Variants in NME8 observed in about 807,000 individuals in gnomAD.
The protein encoded by NME8 is protein NME8.
A neutral mutation model predicts 82.3 loss-of-function variants in NME8; 72 were observed. The ratio of observed to expected loss-of-function variants is 0.87; its 90% confidence interval spans 0.72 to 1.06. The LOEUF (loss-of-function observed/expected upper bound fraction) is 1.06. Ranked by LOEUF, NME8 falls within the 50% of genes least tolerant of loss-of-function variation. The pLI, the probability that NME8 is intolerant of heterozygous loss-of-function variation, is 0.00. For synonymous variants in NME8, 267 were observed against 228.5 expected (o/e 1.17, Z -1.52); for missense variants, 712 against 685.4 (o/e 1.04, Z -0.43).
At position 37,863,427 on chromosome 7, in the gene NME8, C is replaced by G; in HGVS notation, c.419C>G (p.Ser140Ter). The change falls in exon 8 of 18, where the codon TCA becomes TGA. Residue 140 changes from serine to a stop codon, truncating the protein, a stop_gained. Transcript: ENST00000199447. LOFTEE classifies it high-confidence loss of function. ...YPEIPLVDSD[S>*]EVSEESPCES... Reference sequence around the variant, plus strand: ...GAAATTCCATTAGTAGACTCAGATTCAGAAGTTAGTGAAGAATCACCATGT... The same window carrying G: ...GAAATTCCATTAGTAGACTCAGATTGAGAAGTTAGTGAAGAATCACCATGT... The G allele has an allele frequency of 1.3e-6, 2 of 1,598,780 alleles. No homozygotes were observed. The highest frequency in any genetic ancestry group is 1.7e-6 in the Non-Finnish European group (2 of 1,166,090).
intron 15 of NME8, among the ~76,000 whole-genome samples, chr7:37,893,464 T>A (rs902925010): frequency 5.9e-5 from 9 of 152,160 alleles, no homozygotes; most frequent in African/African-American, 2.2e-4. Flanking sequence ...TTCTTCTACT[T>A]ACTTGGCCAA....
chr7:37,892,353 G>T (rs1785142142), intron 15 of NME8, among the ~76,000 whole-genome samples: 5 of 149,546 alleles, frequency 3.3e-5, no homozygotes, highest in Admixed American at 6.7e-5. Flanking sequence ...TTTTTCTTAG[G>T]GATTTCACCA....
intron 16 of NME8, among the ~76,000 whole-genome samples, 168 bp downstream of exon 16, chr7:37,894,778 C>T (rs1785194641): frequency 6.6e-6 from 1 of 151,936 alleles, no homozygotes; most frequent in African/African-American, 2.4e-5. Context: ...TACCTCCCTC[C>T]CTATCTTCTT....
At chr7:37,890,091 C>T (rs1326087055) in intron 15 of NME8, among the ~76,000 whole-genome samples, 1 of 151,956 alleles carries the variant, frequency 6.6e-6, no homozygotes, top group East Asian at 1.9e-4. Context: ...GTATTGTTTG[C>T]TATCAGGACC....
chr7:37,863,853 T>C (rs541988764), intron 8 of NME8, among the ~76,000 whole-genome samples: 66 of 152,294 alleles, frequency 4.3e-4, no homozygotes, highest in African/African-American at 1.4e-3. Context: ...ATTATCTGCA[T>C]TGGGGTAGTG....
chr7:37,881,738 A>G (rs1784949704), intron 12 of NME8, among the ~76,000 whole-genome samples: 1 of 152,176 alleles, frequency 6.6e-6, no homozygotes, highest in South Asian at 2.1e-4. Context: ...GGTGTCATTT[A>G]TTCCTTAAAC....
At chr7:37,890,519 A>G (rs1785113702) in intron 15 of NME8, among the ~76,000 whole-genome samples, 1 of 151,854 alleles carries the variant, frequency 6.6e-6, no homozygotes, top group Non-Finnish European at 1.5e-5. Context: ...TTACCCTACT[A>G]TGCATTAGAA....
chr7:37,883,750 T>C (rs1313874016), intron 12 of NME8, among the ~76,000 whole-genome samples: 1 of 152,170 alleles, frequency 6.6e-6, no homozygotes, highest in African/African-American at 2.4e-5. Flanking sequence ...ACTGCCACAC[T>C]TTCTGTAAGG....
At chr7:37,882,575 GAAAGAAAGAAAGAAAGAAAGAA>G (rs752468810) in intron 12 of NME8, among the ~76,000 whole-genome samples, 93 of 42,894 alleles carry the variant, frequency 2.2e-3, no homozygotes, top group South Asian at 3.2e-3. Context: ...AAGAAAGAAA[GAAAGAAAGAAAGAAAGAAAGAA>G]AGAGAGAGAG....
rs1784626328 is a variant in NME8 at position 37,863,335 on chromosome 7, C to T, written c.388-61C>T. 10 of 980,784 alleles carry T rather than the reference C, an allele frequency of 1.0e-5. No homozygotes were observed. In the Admixed American group the frequency reaches 1.2e-4, roughly 12 times the overall value. The allele number at this position is 980,784 out of a possible 1,614,324, so 60.8% of individuals were successfully genotyped here. A position where few individuals can be genotyped will look rare whatever the true frequency, so the allele number is the denominator to read the frequency against. On this transcript the variant is annotated intron_variant, in intron 7 of 17. Coordinates refer to ENST00000199447, the MANE Select transcript of NME8 (RefSeq NM_016616.5). ...TACTAGATACAAAATTTCTAAAAAC[C>T]CACTCACTATCATATTAAAACATAA...
chr7:37,867,003 T>C (rs1784693019), intron 10 of NME8, among the ~76,000 whole-genome samples: 1 of 152,198 alleles, frequency 6.6e-6, no homozygotes, highest in Non-Finnish European at 1.5e-5. Flanking sequence ...ATACACGATT[T>C]ACATGTGAGA....
At chr7:37,876,757 A>G in intron 11 of NME8, 75 bp from the exon 12 acceptor site, 1 of 1,073,848 alleles carries the variant, frequency 9.3e-7, no homozygotes, top group Middle Eastern at 2.7e-4. Context: ...TTCTGAACAT[A>G]TCAGATTTAA....
intron 6 of NME8, among the ~76,000 whole-genome samples, 194 bp from the exon 7 acceptor site, chr7:37,861,834 G>C (rs1784601312): frequency 6.6e-6 from 1 of 152,174 alleles, no homozygotes; most frequent in Admixed American, 6.5e-5. Context: ...AGAACTCAAA[G>C]AGCTGAGTTT....
intron 6 of NME8, among the ~76,000 whole-genome samples, chr7:37,857,718 C>T (rs1784532376): frequency 6.6e-6 from 1 of 152,164 alleles, no homozygotes; most frequent in Admixed American, 6.6e-5. Context: ...AAGAAAGCAT[C>T]TGTATGATCA....
chr7:37,899,332 C>T (rs567034444), intron 17 of NME8, among the ~76,000 whole-genome samples: 2 of 152,284 alleles, frequency 1.3e-5, no homozygotes, highest in East Asian at 3.9e-4. Context: ...ACATATATGG[C>T]ATGGAATACT....
At chr7:37,882,637 AAGAAAG>A (rs879405497) in intron 12 of NME8, among the ~76,000 whole-genome samples, 5,555 of 138,066 alleles carry the variant, frequency 0.04, 258 homozygotes, top group East Asian at 0.08. Flanking sequence ...GAAAGAAAGA[AAGAAAG>A]AGAAAGAAAG....
At chr7:37,852,942 C>A (rs539684604) in intron 5 of NME8, among the ~76,000 whole-genome samples, 1 of 152,290 alleles carries the variant, frequency 6.6e-6, no homozygotes, top group South Asian at 2.1e-4. Flanking sequence ...TACCATTTTG[C>A]ATTCTTACCA....
intron 11 of NME8, among the ~76,000 whole-genome samples, chr7:37,868,235 T>C (rs914650359): frequency 9.2e-5 from 14 of 151,982 alleles, no homozygotes; most frequent in Non-Finnish European, 1.6e-4. Context: ...CTCGCCATGG[T>C]GGATTTTTGT....
At chr7:37,882,332 G>T (rs1055568405) in intron 12 of NME8, among the ~76,000 whole-genome samples, 1 of 151,698 alleles carries the variant, frequency 6.6e-6, no homozygotes, top group Non-Finnish European at 1.5e-5. Context: ...ACTAAAAATA[G>T]AAAACGTAGC....
Sources: gnomAD v4.1 joint callset for allele counts (sites outside exome capture counted in the v4.1 genomes callset) on GRCh38, gnomAD v4.1.1 for gene constraint, MANE v1.5 for transcripts, NCBI Gene and HGNC (gene_info 2026-07-23, HGNC 2026-07-21) for gene names.